Variants in CHST9 observed in about 807,000 individuals in gnomAD.
CHST9 encodes GalNAc-4-sulfotransferase 2.
In CHST9, 41 loss-of-function variants were observed where a neutral mutation model predicts 44.4. The ratio of observed to expected loss-of-function variants is 0.92; its 90% CI spans 0.72 to 1.20. CHST9 has a LOEUF of 1.20. Among genes scored for constraint, CHST9 ranks in the 50% most tolerant of loss-of-function variants. The probability of loss-of-function intolerance (pLI) is 0.00; values close to 1 mark genes in which losing one functional copy is unlikely to be tolerated. For missense variants in CHST9, 504 were observed against 516.5 expected, an observed-to-expected ratio of 0.98 and a Z score of 0.23; for synonymous variants, 171 against 178.4, an observed-to-expected ratio of 0.96 and a Z score of 0.33.
At chr18:26,970,924 G>C (rs2056534373) in intron 4 of CHST9, among the ~76,000 whole-genome samples, 1 of 152,150 alleles carries the variant, frequency 6.6e-6, no homozygotes, top group Non-Finnish European at 1.5e-5. Context: ...GTGATTGAAT[G>C]TTGTTCCTTC....
chr18:27,141,322 G>A (rs952516796), intron 2 of CHST9, among the ~76,000 whole-genome samples: 4 of 152,132 alleles, frequency 2.6e-5, no homozygotes, highest in South Asian at 2.1e-4. Context: ...CTGAGATCGC[G>A]CCACTGCACT....
intron 4 of CHST9, among the ~76,000 whole-genome samples, chr18:26,969,821 G>A (rs1568114356): frequency 6.6e-6 from 1 of 152,128 alleles, no homozygotes; most frequent in Non-Finnish European, 1.5e-5. Flanking sequence ...TCAGTTTATC[G>A]TATCTAATTT....
At chr18:27,122,578 C>G (rs748895598) in intron 2 of CHST9, among the ~76,000 whole-genome samples, 1 of 152,212 alleles carries the variant, frequency 6.6e-6, no homozygotes, top group African/African-American at 2.4e-5. Context: ...TTCTCTCCCC[C>G]TCCATCCCAT....
chr18:27,133,295 T>A (rs1197476471), intron 2 of CHST9, among the ~76,000 whole-genome samples: 1 of 152,220 alleles, frequency 6.6e-6, no homozygotes, highest in African/African-American at 2.4e-5. Context: ...TCTATGTTGA[T>A]GGGATCGACT....
At chr18:27,070,380 T>C (rs1207515249) in intron 2 of CHST9, among the ~76,000 whole-genome samples, 2 of 152,220 alleles carry the variant, frequency 1.3e-5, no homozygotes, top group Non-Finnish European at 2.9e-5. Flanking sequence ...CTGGGCCAAA[T>C]ATAATAAGGC....
Position 26,968,304 on chromosome 18 carries a change from A to G in CHST9, c.203-23938T>C, listed in dbSNP as rs1451146454. On this transcript the variant is annotated intron_variant, in intron 4 of 5. Coordinates refer to ENST00000618847, the MANE Select transcript of CHST9 (RefSeq NM_031422.6). ...GTAATATATATTTACACTCCCACCA[A>G]CAATTTATGAGAGTTTGTTATTTCA... 3.3e-5 allele frequency among the ~76,000 whole-genome samples: 5 copies of G among 152,272 alleles called. No individual in the cohort carries two copies. The East Asian group carries it at 7.7e-4, about 23-fold the overall frequency.
At chr18:27,170,388 C>T (rs758814990) in intron 1 of CHST9, among the ~76,000 whole-genome samples, 4 of 152,138 alleles carry the variant, frequency 2.6e-5, no homozygotes, top group Non-Finnish European at 4.4e-5. Context: ...TTGATCCTCA[C>T]GGAATTGTGT....
chr18:26,977,184 C>T (rs1473352056), intron 4 of CHST9, among the ~76,000 whole-genome samples: 1 of 151,838 alleles, frequency 6.6e-6, no homozygotes, highest in African/African-American at 2.4e-5. Flanking sequence ...TATATAAAGC[C>T]TTTTAATTTG....
intron 4 of CHST9, among the ~76,000 whole-genome samples, chr18:26,989,892 G>T (rs538915099): frequency 5.2e-4 from 79 of 152,302 alleles, no homozygotes; most frequent in African/African-American, 1.9e-3. Context: ...AGAGATTGCA[G>T]TGAGCCAAGA....
chr18:26,985,032 T>C (rs1166786707), intron 4 of CHST9, among the ~76,000 whole-genome samples: 1 of 152,174 alleles, frequency 6.6e-6, no homozygotes, highest in Non-Finnish European at 1.5e-5. Flanking sequence ...TGCATGCACA[T>C]GTTCACCAAA....
intron 3 of CHST9, among the ~76,000 whole-genome samples, chr18:27,046,363 T>G (rs2057499822): frequency 6.6e-6 from 1 of 152,006 alleles, no homozygotes; most frequent in South Asian, 2.1e-4. Context: ...CTAAAATATT[T>G]TCTAATTTTT....
chr18:27,118,984 C>T (rs139354613), intron 2 of CHST9, among the ~76,000 whole-genome samples: 147 of 152,238 alleles, frequency 9.7e-4, no homozygotes, highest in African/African-American at 3.4e-3. Flanking sequence ...TATGTTGGCA[C>T]GTATTCATTT....
chr18:27,123,930 A>C (rs2058397183), intron 2 of CHST9, among the ~76,000 whole-genome samples: 1 of 152,240 alleles, frequency 6.6e-6, no homozygotes, highest in Non-Finnish European at 1.5e-5. Context: ...CTTGGCCATC[A>C]GTGACTTTCA....
At chr18:27,143,083 A>G (rs927919936) in intron 1 of CHST9, 178 bp from the exon 2 acceptor site, 21 of 226,226 alleles carry the variant, frequency 9.3e-5, no homozygotes, top group Non-Finnish European at 4.3e-5. Flanking sequence ...GCATACTTTT[A>G]TCTTATCTAA....
At chr18:27,110,068 C>T (rs2058257099) in intron 2 of CHST9, among the ~76,000 whole-genome samples, 1 of 151,190 alleles carries the variant, frequency 6.6e-6, no homozygotes, top group South Asian at 2.1e-4. Flanking sequence ...GGTTTCAACA[C>T]ATTAAAATAA....
intron 1 of CHST9, among the ~76,000 whole-genome samples, chr18:27,154,966 C>T (rs970380713): frequency 1.3e-5 from 2 of 151,674 alleles, no homozygotes; most frequent in Non-Finnish European, 2.9e-5. Context: ...CCTGTAATTC[C>T]AGCTACTCGG....
intron 4 of CHST9, among the ~76,000 whole-genome samples, chr18:26,947,305 A>T (rs1791795763): frequency 6.6e-6 from 1 of 152,160 alleles, no homozygotes. Flanking sequence ...TTCACTCATG[A>T]TTTGGCTCTC....
rs141369825 is a variant in CHST9, at chr18:26,919,372, T to C, written c.241-2022A>G. Among the ~76,000 whole-genome samples the C allele has an allele frequency of 3.0e-3, 458 of 152,316 alleles. 1 individual carries two copies. Among genetic ancestry groups the C allele is most frequent in the African/African-American group, 0.01 (419 of 41,586 alleles). ...CTTTGTGCTTCTTTACTCTGATCAGTGATTTGTAGTACATAAAGTTGTCAC... is the reference window on the plus strand; with the variant it reads ...CTTTGTGCTTCTTTACTCTGATCAGCGATTTGTAGTACATAAAGTTGTCAC... On this transcript the variant is annotated intron_variant, in intron 5 of 5. Transcript: ENST00000618847.
At chr18:27,115,657 T>C (rs868671580) in intron 2 of CHST9, among the ~76,000 whole-genome samples, 1 of 152,082 alleles carries the variant, frequency 6.6e-6, no homozygotes, top group Non-Finnish European at 1.5e-5. Flanking sequence ...TGGTACCACA[T>C]GTGCATGCCA....
Sources: allele counts gnomAD v4.1 joint callset (sites outside exome capture counted in the v4.1 genomes callset), GRCh38; gene constraint gnomAD v4.1.1; transcripts MANE v1.5; gene names NCBI Gene and HGNC (gene_info 2026-07-23, HGNC 2026-07-21).